Variants in GMDS observed in about 807,000 individuals in gnomAD.
GMDS encodes GDP-mannose 4,6 dehydratase.
In GMDS, 20 loss-of-function variants were observed where a neutral mutation model predicts 49.9. The observed-to-expected ratio is 0.40, with a 90% CI of 0.28 to 0.58. The LOEUF (loss-of-function observed/expected upper bound fraction) is 0.58, where lower values mean the gene tolerates loss of function less well. GMDS is among the 20% of genes least tolerant of loss of function. The probability of loss-of-function intolerance (pLI) is 0.42; values close to 1 mark genes in which losing one functional copy is unlikely to be tolerated. For synonymous variants in GMDS, 177 were observed against 178.6 expected (o/e 0.99, Z 0.07); for missense variants, 362 against 481.4 (o/e 0.75, Z 2.32).
At chr6:1,641,473 C>T (rs916372085) in intron 9 of GMDS, among the ~76,000 whole-genome samples, 8 of 152,214 alleles carry the variant, frequency 5.3e-5, no homozygotes, top group Non-Finnish European at 7.3e-5. Flanking sequence ...GTCAGGGTGC[C>T]GTGCACCTGG....
At position 1,640,564 on chromosome 6, in the gene GMDS, T is replaced by C. The variant is rs191725520; in HGVS notation, c.988-16024A>G. ...CCGTGGAACATGCTGGATGTGGCTG[T>C]GCCTTCTAGGTGCCCGTTTTGGAGA... is the stretch of plus-strand genomic sequence containing the variant. On this transcript the variant is annotated intron_variant, in intron 9 of 10. Transcript: ENST00000380815. This position sits in a 1 kb window ranked among gnomAD's most constrained non-coding sequence, Gnocchi z 4.0. Among the ~76,000 whole-genome samples, 49 of 152,348 alleles carry C rather than the reference T, an allele frequency of 3.2e-4. No individual in the cohort carries two copies. In the East Asian group the frequency reaches 8.3e-3, roughly 26 times the overall value.
intron 4 of GMDS, among the ~76,000 whole-genome samples, chr6:2,039,968 A>G (rs1434604317): frequency 6.6e-6 from 1 of 152,224 alleles, no homozygotes; most frequent in Non-Finnish European, 1.5e-5. Flanking sequence ...TGTTTACACC[A>G]GCGTCACAAA....
intron 1 of GMDS, among the ~76,000 whole-genome samples, chr6:2,156,023 G>T (rs1380781982): frequency 2.0e-5 from 3 of 151,844 alleles, no homozygotes; most frequent in African/African-American, 7.3e-5. Flanking sequence ...GACTATTAGG[G>T]TTACTTTTTT....
At chr6:1,882,673 G>A (rs183540333) in intron 7 of GMDS, among the ~76,000 whole-genome samples, 1 of 152,172 alleles carries the variant, frequency 6.6e-6, no homozygotes, top group Non-Finnish European at 1.5e-5. Context: ...GTGAGCAAAA[G>A]GATCCAAACA....
At chr6:2,178,515 A>T (rs1778385110) in intron 1 of GMDS, among the ~76,000 whole-genome samples, 1 of 151,978 alleles carries the variant, frequency 6.6e-6, no homozygotes, top group Non-Finnish European at 1.5e-5. Context: ...TGAAAGATCC[A>T]CCCCCATGAT....
At chr6:1,896,199 A>G (rs972763734) in intron 7 of GMDS, among the ~76,000 whole-genome samples, 2 of 152,090 alleles carry the variant, frequency 1.3e-5, no homozygotes, top group African/African-American at 4.8e-5. Flanking sequence ...TGTGTATCGG[A>G]GGATGTTCAG....
chr6:1,826,071 A>G (rs1449837415), intron 7 of GMDS, among the ~76,000 whole-genome samples: 1 of 152,196 alleles, frequency 6.6e-6, no homozygotes, highest in Non-Finnish European at 1.5e-5. Context: ...CCATGAAGGA[A>G]GCCTGCAGCA....
chr6:2,138,036 A>G (rs1002061118), intron 1 of GMDS, among the ~76,000 whole-genome samples: 1 of 152,202 alleles, frequency 6.6e-6, no homozygotes, highest in Non-Finnish European at 1.5e-5. Context: ...ACTGTAATAG[A>G]AATTAATTTT....
At chr6:2,137,389 A>T (rs1166585723) in intron 1 of GMDS, among the ~76,000 whole-genome samples, 1 of 148,524 alleles carries the variant, frequency 6.7e-6, no homozygotes, top group East Asian at 2.0e-4. Flanking sequence ...GCTGGAGTGC[A>T]ATGGCACGAT....
chr6:1,951,930 C>A, intron 6 of GMDS: 1 of 985,236 alleles, frequency 1.0e-6, no homozygotes, highest in Non-Finnish European at 1.2e-6. Context: ...TGCTTCACTG[C>A]CAAGCTGAGG....
At chr6:1,978,121 C>G (rs574783469) in intron 4 of GMDS, among the ~76,000 whole-genome samples, 4 of 152,270 alleles carry the variant, frequency 2.6e-5, no homozygotes, top group African/African-American at 4.8e-5. Flanking sequence ...ACCTGGATTG[C>G]TGGATAACTC....
At chr6:2,154,915 T>C (rs1004772398) in intron 1 of GMDS, among the ~76,000 whole-genome samples, 3 of 101,764 alleles carry the variant, frequency 2.9e-5, no homozygotes, top group African/African-American at 1.2e-4. Context: ...CCAAGAATAA[T>C]ATAAAAAGTT....
At chr6:1,637,038 C>T (rs779305560) in intron 9 of GMDS, among the ~76,000 whole-genome samples, 28 of 152,250 alleles carry the variant, frequency 1.8e-4, no homozygotes, top group Non-Finnish European at 2.9e-4. Context: ...TTGGGGACCC[C>T]GCACTGTGCC....
intron 1 of GMDS, among the ~76,000 whole-genome samples, chr6:2,172,670 C>A (rs1389605355): frequency 6.6e-6 from 1 of 151,586 alleles, no homozygotes; most frequent in Admixed American, 6.6e-5. Flanking sequence ...CCAGCCTGGG[C>A]GACACAGTGA....
At chr6:1,927,773 T>A (rs950103597) in intron 7 of GMDS, among the ~76,000 whole-genome samples, 10 of 152,182 alleles carry the variant, frequency 6.6e-5, no homozygotes, top group Non-Finnish European at 1.5e-4. Flanking sequence ...CTTACTTACT[T>A]AACACTCTCA....
intron 7 of GMDS, among the ~76,000 whole-genome samples, chr6:1,902,798 T>C (rs964208543): frequency 6.6e-6 from 1 of 152,206 alleles, no homozygotes; most frequent in Non-Finnish European, 1.5e-5. Flanking sequence ...AATTAAACCA[T>C]AATATTTTTC....
intron 4 of GMDS, among the ~76,000 whole-genome samples, chr6:2,040,791 T>C (rs979686714): frequency 6.6e-6 from 1 of 152,112 alleles, no homozygotes; most frequent in African/African-American, 2.4e-5. Flanking sequence ...GTCCTCCCAA[T>C]ACCCAGAGGA....
At chr6:1,924,998 G>A (rs1282704345) in intron 7 of GMDS, among the ~76,000 whole-genome samples, 1 of 151,844 alleles carries the variant, frequency 6.6e-6, no homozygotes, top group Admixed American at 6.6e-5. Flanking sequence ...CCCATAAAAT[G>A]CAAATTTTTA....
intron 7 of GMDS, among the ~76,000 whole-genome samples, chr6:1,888,131 A>ATTTTT (rs1276994750): frequency 9.9e-6 from 1 of 100,884 alleles, no homozygotes; most frequent in Non-Finnish European, 2.5e-5. Context: ...TATTATTATT[A>ATTTTT]TTATTTTTTT....
Sources: gnomAD v4.1 joint callset for allele counts (sites outside exome capture counted in the v4.1 genomes callset) on GRCh38, gnomAD v4.1.1 for gene constraint, Gnocchi (gnomAD v3.1) non-coding constraint, MANE v1.5 for transcripts, NCBI Gene and HGNC (gene_info 2026-07-23, HGNC 2026-07-21) for gene names.